COL9A2: variants seen among roughly 807,000 people sequenced by gnomAD.
COL9A2 encodes collagen alpha-2(IX) chain.
A neutral mutation model predicts 111.6 loss-of-function variants in COL9A2; 66 were observed. That is an observed-to-expected ratio of 0.59 (90% CI 0.48 to 0.73). The LOEUF (loss-of-function observed/expected upper bound fraction) is 0.73, where lower values mean the gene tolerates loss of function less well. Ranked by LOEUF, COL9A2 falls within the 30% of genes least tolerant of loss-of-function variation. The pLI is 0.00. For missense variants in COL9A2, 881 were observed against 954.1 expected (o/e 0.92, Z 1.01); for synonymous variants, 353 against 364.1 (o/e 0.97, Z 0.35).
Position 40,310,306 on chromosome 1 carries a change from G to A in COL9A2, c.696C>T (p.Gly232=). Residue 232 remains glycine (G), a synonymous_variant, in exon 14 of 32, where the codon GGC becomes GGT. Coordinates refer to ENST00000372748, the MANE Select transcript of COL9A2 (RefSeq NM_001852.4). This position sits in a 1 kb window ranked among gnomAD's most constrained non-coding sequence, Gnocchi z 4.9. ...CTGCCATGCCTGGGTAGCCCCTGAT[G>A]CCCTGGGGACCCTGTTGAGAAAGAA... ...QGIPGPPGPQ[G]IRGYPGMAGP... 2 of 1,614,066 alleles carry A rather than the reference G, an allele frequency of 1.2e-6. No individual in the cohort carries two copies. Among genetic ancestry groups the A allele is most frequent in the Non-Finnish European group, 1.7e-6 (2 of 1,180,006 alleles).
At chr1:40,305,463 C>T (rs1009073935) in intron 21 of COL9A2, among the ~76,000 whole-genome samples, 13 of 152,180 alleles carry the variant, frequency 8.5e-5, no homozygotes, top group South Asian at 4.1e-4. Context: ...AATAAATGAA[C>T]GAACAACTCT....
intron 4 of COL9A2, among the ~76,000 whole-genome samples, chr1:40,313,818 A>G (rs768584712): frequency 6.6e-6 from 1 of 152,140 alleles, no homozygotes; most frequent in African/African-American, 2.4e-5. Flanking sequence ...CTCCTGAGTC[A>G]TGCCTGGGGC....
At chr1:40,315,246 G>A (rs1236398138) in intron 2 of COL9A2, 1 of 1,101,062 alleles carries the variant, frequency 9.1e-7, no homozygotes, top group Non-Finnish European at 1.1e-6. Context: ...ACCTGAAGAA[G>A]CGTCCAGATG....
In COL9A2 at chr1:40,314,334, A is replaced by C; in HGVS notation, c.186+18T>G. 2.5e-6 allele frequency: 4 copies of C among 1,614,214 alleles called. No individual in the cohort carries two copies. The highest frequency in any genetic ancestry group is 2.5e-6 in the Non-Finnish European group (3 of 1,180,028). On this transcript the variant is annotated intron_variant, in intron 3 of 31. Coordinates refer to ENST00000372748, the MANE Select transcript of COL9A2 (RefSeq NM_001852.4). This position sits in a 1 kb window ranked among gnomAD's most constrained non-coding sequence, Gnocchi z 4.1. ...AAGAGCAGGAAGGGTCAAAGGCCAA[A>C]GAGGATAAAGCACTCACCGGAGGGC...
intron 31 of COL9A2, 54 bp downstream of exon 31, chr1:40,301,758 C>T: frequency 6.4e-7 from 1 of 1,555,374 alleles, no homozygotes; most frequent in Non-Finnish European, 8.9e-7. Context: ...GTCCACACGT[C>T]ATTAATTCCC....
In COL9A2 at chr1:40,312,381, T is replaced by C; in HGVS notation, c.363+75A>G. 6.4e-7 allele frequency: 1 copy of C among 1,568,870 alleles called. No individual in the cohort carries two copies. Among genetic ancestry groups the C allele is most frequent in the Admixed American group, 1.8e-5 (1 of 56,342 alleles). On this transcript the variant is annotated intron_variant, in intron 7 of 31. Transcript: ENST00000372748. The surrounding 1 kb of genome is among the most constrained non-coding windows in gnomAD (Gnocchi z 6.0). ...AGCTGGCTCCTTCCCATGGTGGCCA[T>C]TCCCTCGAAGCCTTTCTGTTGTCCC...
chr1:40,308,157 C>A (rs1557798670), intron 17 of COL9A2, 35 bp downstream of exon 17: 3 of 1,608,976 alleles, frequency 1.9e-6, no homozygotes, highest in Non-Finnish European at 2.6e-6. Context: ...GGGCCCTGGC[C>A]TCTGTCCTGG....
At position 40,310,959 on chromosome 1, in the gene COL9A2, A is replaced by C. The variant is rs1644113716; in HGVS notation, c.630+134T>G. The stretch of plus-strand genomic sequence containing the variant: ...CCAGAGACATGCCGACCTGGAGCAC[A>C]GGCCTCCAGCCCCCGGCTCAAGGCT... On this transcript the variant is annotated intron_variant, in intron 12 of 31. Transcript: ENST00000372748. This position sits in a 1 kb window ranked among gnomAD's most constrained non-coding sequence, Gnocchi z 4.9. The C allele has an allele frequency of 4.8e-6, 6 of 1,252,076 alleles. No homozygotes were observed. Among genetic ancestry groups the C allele is most frequent in the Middle Eastern group, 1.9e-4 (1 of 5,388 alleles). 77.6% of individuals were successfully genotyped at this position (1,252,076 alleles called of 1,614,324 possible). A position where few individuals can be genotyped will look rare whatever the true frequency, so the allele number is the denominator to read the frequency against.
chr1:40,310,011 G>A lies in COL9A2; in HGVS notation c.793-20C>T. On this transcript the variant is annotated intron_variant, in intron 15 of 31. Transcript: ENST00000372748. This position sits in a 1 kb window ranked among gnomAD's most constrained non-coding sequence, Gnocchi z 4.9. ...CTCACCCTGGCAAGAAAGACAAGCA[G>A]GAATCCAGGTCACACAGGCTCAGGG... 6.2e-7 allele frequency: 1 copy of A among 1,614,188 alleles called. No individual in the cohort carries two copies. Among genetic ancestry groups the A allele is most frequent in the Admixed American group, 1.7e-5 (1 of 60,034 alleles).
Position 40,305,785 on chromosome 1 carries a change from C to T in COL9A2, c.1054-17G>A. The T allele has an allele frequency of 1.2e-6, 2 of 1,613,730 alleles. No homozygotes were observed. Among genetic ancestry groups the T allele is most frequent in the Non-Finnish European group, 1.7e-6 (2 of 1,179,742 alleles). ...CGGCTCACCCTGCAGGAAAACAGTTCTCAGGTCAGTCTGGGTGGCCCAGTC... is the reference window on the plus strand; with the variant it reads ...CGGCTCACCCTGCAGGAAAACAGTTTTCAGGTCAGTCTGGGTGGCCCAGTC... On this transcript the variant is annotated splice_polypyrimidine_tract_variant and intron_variant, in intron 20 of 31. Coordinates refer to ENST00000372748, the MANE Select transcript of COL9A2 (RefSeq NM_001852.4).
In COL9A2 at chr1:40,311,543, C is replaced by A. The variant is rs143965571; in HGVS notation, c.476G>T (p.Arg159Leu). Reference protein sequence around the residue: ...GPPGPPGKPGRPGTIQGLEGS... With the variant: ...GPPGPPGKPGLPGTIQGLEGS... ...TTCCAGACCCTGGATGGTTCCCGGG[C>A]GACCCTGAGAGGAGACATGAAGATG... Residue 159 changes from arginine to leucine, a missense_variant, in exon 10 of 32, where the codon CGC (arginine) becomes CTC (leucine). Arg to Leu is a moderately radical substitution (Grantham distance 102). Transcript: ENST00000372748. The surrounding 1 kb of genome is among the most constrained non-coding windows in gnomAD (Gnocchi z 5.1). The A allele has an allele frequency of 6.2e-7, 1 of 1,613,620 alleles. No homozygotes were observed. The highest frequency in any genetic ancestry group is 8.5e-7 in the Non-Finnish European group (1 of 1,179,902).
At chr1:40,306,758 A>G (rs1644036668) in intron 19 of COL9A2, among the ~76,000 whole-genome samples, 2 of 152,150 alleles carry the variant, frequency 1.3e-5, no homozygotes, top group African/African-American at 2.4e-5. Flanking sequence ...ATTGAATGGT[A>G]AGATGAGCCA....
chr1:40,316,137 G>C lies in COL9A2; in HGVS notation c.76-473C>G, dbSNP rs1489872728. 8 of 161,798 alleles carry C rather than the reference G, an allele frequency of 4.9e-5. No homozygotes were observed. In the South Asian group the frequency reaches 1.2e-3, roughly 25 times the overall value. The allele number at this position is 161,798 out of a possible 1,614,324, so 10.0% of individuals were successfully genotyped here. A position where few individuals can be genotyped will look rare whatever the true frequency, so the allele number is the denominator to read the frequency against. On this transcript the variant is annotated intron_variant, in intron 1 of 31. Transcript: ENST00000372748. The surrounding 1 kb of genome is among the most constrained non-coding windows in gnomAD (Gnocchi z 5.5). Reference sequence around the variant, plus strand: ...CTCGGGTTGTTGTTCTTACGTGAACGACAGGCAGAGACAGCGCCTCCTCCT... The same window carrying C: ...CTCGGGTTGTTGTTCTTACGTGAACCACAGGCAGAGACAGCGCCTCCTCCT...
chr1:40,301,720 G>C, intron 31 of COL9A2, 92 bp downstream of exon 31: 3 of 1,243,960 alleles, frequency 2.4e-6, no homozygotes, highest in Non-Finnish European at 3.5e-6. Flanking sequence ...CTGGCTGAGC[G>C]TGAGGCCGCC....
chr1:40,305,034 A>C, intron 21 of COL9A2, 187 bp from the exon 22 acceptor site: 1 of 457,954 alleles, frequency 2.2e-6, no homozygotes, highest in South Asian at 3.9e-5. Context: ...AATTTGAATT[A>C]CTTATCATGT....
Position 40,317,124 on chromosome 1 carries a change from A to G in COL9A2, c.74T>C (p.Ile25Thr), listed in dbSNP as rs1644231535. The G allele has an allele frequency of 3.8e-6, 6 of 1,573,816 alleles. No individual in the cohort carries two copies. The highest frequency in any genetic ancestry group is 5.2e-6 in the Non-Finnish European group (6 of 1,160,110). ...CAGCGGAGGGGCTGCGAAACTTACA[A>G]TCTGCGCCAGAGCGAGCACTACCAC... ...LQVVVLALAQIRGPPGERGPP... is the reference protein window; with the variant it reads ...LQVVVLALAQTRGPPGERGPP... Residue 25 changes from isoleucine (I) to threonine (T), a missense_variant and splice_region_variant, in exon 1 of 32, where the codon ATT (isoleucine) becomes ACT (threonine). Transcript: ENST00000372748. This position sits in a 1 kb window ranked among gnomAD's most constrained non-coding sequence, Gnocchi z 4.3.
rs1015964986 is a variant in COL9A2 at position 40,310,370 on chromosome 1, T to C, written c.685-53A>G. 3 of 1,528,578 alleles carry C rather than the reference T, an allele frequency of 2.0e-6. No individual in the cohort carries two copies. Among genetic ancestry groups the C allele is most frequent in the Admixed American group, 1.7e-5 (1 of 59,898 alleles). The allele number at this position is 1,528,578 out of a possible 1,614,324, so 94.7% of individuals were successfully genotyped here. ...GGCAATTGCAAGGCCCACTTCATGA[T>C]ACCTTGTCTGATGCCCACCTTCAAT... is the stretch of plus-strand genomic sequence containing the variant. On this transcript the variant is annotated intron_variant, in intron 13 of 31. Transcript: ENST00000372748. The surrounding 1 kb of genome is among the most constrained non-coding windows in gnomAD (Gnocchi z 4.9).
At position 40,302,660 on chromosome 1, in the gene COL9A2, C is replaced by A. The variant is rs202153520; in HGVS notation, c.1753G>T (p.Val585Leu). 1.2e-4 allele frequency: 192 copies of A among 1,604,042 alleles called. No individual in the cohort carries two copies. Among genetic ancestry groups the A allele is most frequent in the East Asian group, 1.8e-4 (8 of 44,310 alleles). ...TTGCCGATCTGACCCACGGCTCCCACGATGCCAGGAACGCCCCGAGGGCCA... is the reference window on the plus strand; with the variant it reads ...TTGCCGATCTGACCCACGGCTCCCAAGATGCCAGGAACGCCCCGAGGGCCA... Reference protein sequence around the residue: ...HPGPRGVPGIVGAVGQIGNTG... With the variant: ...HPGPRGVPGILGAVGQIGNTG... The change falls in exon 30 of 32, where the codon GTG becomes TTG. Residue 585 changes from valine (V) to leucine (L), a missense_variant. Transcript: ENST00000372748. This position sits in a 1 kb window ranked among gnomAD's most constrained non-coding sequence, Gnocchi z 4.5.
rs1429894228 is a variant in COL9A2 at position 40,302,958 on chromosome 1, G to C, written c.1604-149C>G. 2 of 1,120,420 alleles carry C rather than the reference G, an allele frequency of 1.8e-6. No individual in the cohort carries two copies. Among genetic ancestry groups the C allele is most frequent in the African/African-American group, 3.1e-5 (2 of 64,966 alleles). 69.4% of individuals were successfully genotyped at this position (1,120,420 alleles called of 1,614,324 possible). On this transcript the variant is annotated intron_variant, in intron 29 of 31. Transcript: ENST00000372748. The surrounding 1 kb of genome is among the most constrained non-coding windows in gnomAD (Gnocchi z 4.5). Reference sequence around the variant, plus strand: ...CTTCCGTGGGCTCTGTTTTGCGGAAGTCAAAGGCCCAGAGTGACTTATTCA... The same window carrying C: ...CTTCCGTGGGCTCTGTTTTGCGGAACTCAAAGGCCCAGAGTGACTTATTCA...
Sources: allele counts gnomAD v4.1 joint callset (sites outside exome capture counted in the v4.1 genomes callset), GRCh38; gene constraint gnomAD v4.1.1; non-coding constraint Gnocchi (gnomAD v3.1); transcripts MANE v1.5; gene names NCBI Gene and HGNC (gene_info 2026-07-23, HGNC 2026-07-21).